The following LEMD3 variants were observed in gnomAD, a reference collection of about 807,000 sequenced individuals.
The protein encoded by LEMD3 is LEM domain containing 3.
A neutral mutation model predicts 95.2 loss-of-function variants in LEMD3; 33 were observed. That is an observed-to-expected ratio of 0.35 (90% CI 0.26 to 0.46). The LOEUF is 0.46. Ranked by LOEUF, LEMD3 falls within the 20% of genes least tolerant of loss-of-function variation. LEMD3 has a pLI of 1.00. For missense variants in LEMD3, 1,210 were observed against 1,192.8 expected, an observed-to-expected ratio of 1.01 and a Z score of -0.21; for synonymous variants, 525 against 474.6, an observed-to-expected ratio of 1.11 and a Z score of -1.38.
Position 65,247,525 on chromosome 12 carries a change from A to G in LEMD3, c.*1200A>G, listed in dbSNP as rs561228677. On this transcript the variant is annotated 3_prime_UTR_variant, in exon 13 of 13. Transcript: ENST00000308330. ...CCTCAGTATTTAATTTGTTTCAGTAAACTTACTTTATTACTGTTTATGATT... is the reference window on the plus strand; with the variant it reads ...CCTCAGTATTTAATTTGTTTCAGTAGACTTACTTTATTACTGTTTATGATT... The G allele has an allele frequency of 2.6e-4, 40 of 152,284 alleles. No homozygotes were observed. The highest frequency in any genetic ancestry group is 7.2e-4 in the Admixed American group (11 of 15,292). 9.4% of individuals were successfully genotyped at this position (152,284 alleles called of 1,614,324 possible). A position where few individuals can be genotyped will look rare whatever the true frequency, so the allele number is the denominator to read the frequency against.
chr12:65,176,126 C>T (rs1868712226), intron 1 of LEMD3, among the ~76,000 whole-genome samples: 1 of 152,218 alleles, frequency 6.6e-6, no homozygotes, highest in South Asian at 2.1e-4. Flanking sequence ...GGCTGTAGCT[C>T]TTCCAGTCCA....
intron 1 of LEMD3, among the ~76,000 whole-genome samples, chr12:65,186,747 A>G (rs1183717744): frequency 1.3e-5 from 2 of 151,142 alleles, no homozygotes; most frequent in Non-Finnish European, 2.9e-5. Context: ...GTGTGTAGTG[A>G]TGAAGAACCA....
chr12:65,235,948 A>G (rs1023332034), intron 4 of LEMD3, among the ~76,000 whole-genome samples: 1 of 152,206 alleles, frequency 6.6e-6, no homozygotes, highest in Non-Finnish European at 1.5e-5. Flanking sequence ...GCTTAAAAAA[A>G]CAGATGGCCT....
In LEMD3 at chr12:65,240,183, C is replaced by T; in HGVS notation, c.2071C>T (p.Gln691Ter). The stretch of plus-strand genomic sequence containing the variant: ...AGCCTGCCAGGAAAACAAAGATTTA[C>T]AACCTTACATGCCTATTCCACATGT... Reference protein sequence around the residue: ...NEACQENKDLQPYMPIPHVRD... With the variant: ...NEACQENKDL Residue 691 changes from glutamine (Q) to a stop codon, truncating the protein, a stop_gained, in exon 8 of 13, where the codon CAA (glutamine) becomes TAA (stop). Transcript: ENST00000308330. LOFTEE classifies it high-confidence loss of function. 6.2e-7 allele frequency: 1 copy of T among 1,613,872 alleles called. No individual in the cohort carries two copies. The highest frequency in any genetic ancestry group is 8.5e-7 in the Non-Finnish European group (1 of 1,179,822).
Position 65,169,828 on chromosome 12 carries a change from G to T in LEMD3, c.232G>T (p.Ala78Ser). The T allele has an allele frequency of 6.8e-7, 1 of 1,477,038 alleles. No homozygotes were observed. The highest frequency in any genetic ancestry group is 9.0e-7 in the Non-Finnish European group (1 of 1,109,846). The allele number at this position is 1,477,038 out of a possible 1,614,324, so 91.5% of individuals were successfully genotyped here. Residue 78 changes from alanine (A) to serine (S), a missense_variant, in exon 1 of 13, where the codon GCC becomes TCC. Ala to Ser is a moderately conservative substitution (Grantham distance 99). Coordinates refer to ENST00000308330, the MANE Select transcript of LEMD3 (RefSeq NM_014319.5). Reference protein sequence around the residue: ...NNNTAAATVAAAGPAAAAAAG... With the variant: ...NNNTAAATVASAGPAAAAAAG... ...TAACACGGCAGCCGCCACGGTCGCA[G>T]CCGCGGGACCAGCGGCGGCGGCGGC...
intron 1 of LEMD3, among the ~76,000 whole-genome samples, chr12:65,198,594 A>G (rs914516580): frequency 1.3e-5 from 2 of 152,104 alleles, no homozygotes; most frequent in Admixed American, 6.6e-5. Context: ...GTGCCTCGGT[A>G]TCCGTGGGGG....
At chr12:65,224,067 T>A (rs1321001842) in intron 4 of LEMD3, among the ~76,000 whole-genome samples, 1 of 151,658 alleles carries the variant, frequency 6.6e-6, no homozygotes, top group African/African-American at 2.4e-5. Context: ...ATATTGTGTA[T>A]CATCAACATA....
intron 4 of LEMD3, among the ~76,000 whole-genome samples, chr12:65,223,047 G>A (rs1014640337): frequency 6.6e-6 from 1 of 151,872 alleles, no homozygotes; most frequent in African/African-American, 2.4e-5. Flanking sequence ...GATTTTTGTG[G>A]CCTAACATAT....
At chr12:65,192,718 T>A (rs1869282105) in intron 1 of LEMD3, among the ~76,000 whole-genome samples, 1 of 152,196 alleles carries the variant, frequency 6.6e-6, no homozygotes, top group African/African-American at 2.4e-5. Flanking sequence ...GACCTGAATA[T>A]CTTTCGTTCT....
At chr12:65,173,348 G>A (rs886088136) in intron 1 of LEMD3, among the ~76,000 whole-genome samples, 1 of 152,144 alleles carries the variant, frequency 6.6e-6, no homozygotes, top group South Asian at 2.1e-4. Flanking sequence ...GAATAGGATA[G>A]GAATGCTAGG....
chr12:65,198,065 ATTT>A (rs1234928079), intron 1 of LEMD3, among the ~76,000 whole-genome samples: 1 of 152,130 alleles, frequency 6.6e-6, no homozygotes, highest in African/African-American at 2.4e-5. Context: ...TGATGTGCAC[ATTT>A]GTGCACATCA....
chr12:65,227,777 T>C (rs1031523997), intron 4 of LEMD3, among the ~76,000 whole-genome samples: 3 of 151,600 alleles, frequency 2.0e-5, no homozygotes, highest in Admixed American at 6.6e-5. Context: ...TGTTAATGTA[T>C]TTTTTGTGTG....
At chr12:65,243,511 A>G in intron 10 of LEMD3, 42 bp downstream of exon 10, 1 of 1,152,832 alleles carries the variant, frequency 8.7e-7, no homozygotes, top group Non-Finnish European at 1.3e-6. Context: ...CTTATTCTGA[A>G]TATTTGGCTG....
chr12:65,212,362 G>T (rs11175682), intron 2 of LEMD3, among the ~76,000 whole-genome samples: 5,701 of 152,000 alleles, frequency 0.038, 351 homozygotes, highest in African/African-American at 0.13. Context: ...AAAGGCATAA[G>T]GCAAACAGTT....
chr12:65,170,546 C>T lies in LEMD3; in HGVS notation c.950C>T (p.Ala317Val). 6.2e-7 allele frequency: 1 copy of T among 1,614,044 alleles called. No homozygotes were observed. The highest frequency in any genetic ancestry group is 8.5e-7 in the Non-Finnish European group (1 of 1,180,012). ...TCAGTTCAGGGAGGGGGAGGACTCGCGATGAATGACAGGGCGGCGGCTGCC... is the reference window on the plus strand; with the variant it reads ...TCAGTTCAGGGAGGGGGAGGACTCGTGATGAATGACAGGGCGGCGGCTGCC... ...ETSVQGGGGLAMNDRAAAAGS... is the reference protein window; with the variant it reads ...ETSVQGGGGLVMNDRAAAAGS... Residue 317 changes from alanine to valine, a missense_variant, in exon 1 of 13, where the codon GCG becomes GTG. Ala to Val is a moderately conservative substitution (Grantham distance 64). Around this residue, in one of 2 missense-constraint regions of LEMD3, gnomAD observed 749 missense variants for 622.9 expected, o/e 1.20. Coordinates refer to ENST00000308330, the MANE Select transcript of LEMD3 (RefSeq NM_014319.5).
intron 4 of LEMD3, among the ~76,000 whole-genome samples, chr12:65,222,315 C>A (rs1426640157): frequency 6.6e-6 from 1 of 151,834 alleles, no homozygotes; most frequent in Non-Finnish European, 1.5e-5. Context: ...GGTGTGTGAT[C>A]CTTTTCATGT....
In LEMD3 at chr12:65,247,187, G is replaced by C. The variant is rs1172337589; in HGVS notation, c.*862G>C. On this transcript the variant is annotated 3_prime_UTR_variant, in exon 13 of 13. Coordinates refer to ENST00000308330, the MANE Select transcript of LEMD3 (RefSeq NM_014319.5). ...AAAATGTCTGAGTATGATTTTGTGTGAAAGTTCTGATACCAGTTGTAATAG... is the reference window on the plus strand; with the variant it reads ...AAAATGTCTGAGTATGATTTTGTGTCAAAGTTCTGATACCAGTTGTAATAG... 1 of 152,516 alleles carries C rather than the reference G, an allele frequency of 6.6e-6. No homozygotes were observed. Among genetic ancestry groups the C allele is most frequent in the Non-Finnish European group, 1.5e-5 (1 of 67,974 alleles). The allele number at this position is 152,516 out of a possible 1,614,324, so 9.4% of individuals were successfully genotyped here. A position where few individuals can be genotyped will look rare whatever the true frequency, so the allele number is the denominator to read the frequency against.
At chr12:65,192,398 C>G (rs1286925015) in intron 1 of LEMD3, among the ~76,000 whole-genome samples, 1 of 152,144 alleles carries the variant, frequency 6.6e-6, no homozygotes, top group Admixed American at 6.5e-5. Flanking sequence ...TGTCCTATAC[C>G]TGTATAGGTT....
intron 8 of LEMD3, chr12:65,240,701 G>A (rs536688926): frequency 2.1e-5 from 12 of 585,276 alleles, no homozygotes; most frequent in South Asian, 1.5e-4. Flanking sequence ...GAGCTTTTGG[G>A]GAAAAAAAAT....
Sources: gnomAD v4.1 joint callset for allele counts (sites outside exome capture counted in the v4.1 genomes callset) on GRCh38, gnomAD v4.1.1 for gene constraint, gnomAD v4.1.1 regional missense constraint, MANE v1.5 for transcripts, NCBI Gene and HGNC (gene_info 2026-07-23, HGNC 2026-07-21) for gene names.